EYS: variants seen among roughly 807,000 people sequenced by gnomAD.
The protein encoded by EYS is protein eyes shut homolog.
Under a neutral mutation model 282.1 loss-of-function variants are expected in EYS, and 250 were observed. The ratio of observed to expected loss-of-function variants is 0.89; its 90% CI spans 0.80 to 0.98. The LOEUF is 0.98. Among genes scored for constraint, EYS ranks in the 50% least tolerant of loss-of-function variants. EYS has a pLI of 0.00. For missense variants in EYS, 4,016 were observed against 3,709.0 expected (o/e 1.08, Z -2.15); for synonymous variants, 1,355 against 1,282.9 (o/e 1.06, Z -1.20).
chr6:64,301,306 G>A (rs1769224419), intron 30 of EYS, among the ~76,000 whole-genome samples: 1 of 152,176 alleles, frequency 6.6e-6, no homozygotes, highest in South Asian at 2.1e-4. Flanking sequence ...GGGCAATTGA[G>A]CCCTGGATTC....
chr6:65,673,317 G>T (rs1055870626), intron 1 of EYS, among the ~76,000 whole-genome samples: 1 of 152,048 alleles, frequency 6.6e-6, no homozygotes, highest in African/African-American at 2.4e-5. Context: ...AGATTAAGCC[G>T]AAGGAAGATT....
At position 65,262,357 on chromosome 6, in the gene EYS, A is replaced by G. The variant is rs144774252; in HGVS notation, c.2023+33506T>C. 3.3e-5 allele frequency among the ~76,000 whole-genome samples: 5 copies of G among 152,250 alleles called. No homozygotes were observed. The East Asian group carries it at 7.7e-4, about 24-fold the overall frequency. ...GATTGGAAGACAAAAGACTTAATGT[A>G]TAATTGAATAAGAAATGTATTACTC... is the stretch of plus-strand genomic sequence containing the variant. On this transcript the variant is annotated intron_variant, in intron 12 of 42. Coordinates refer to ENST00000503581, the MANE Select transcript of EYS (RefSeq NM_001142800.2).
intron 28 of EYS, among the ~76,000 whole-genome samples, chr6:64,399,862 A>C (rs1773489658): frequency 6.6e-6 from 1 of 151,876 alleles, no homozygotes; most frequent in Admixed American, 6.6e-5. Flanking sequence ...ATAAAATCTG[A>C]CTTTTTAATC....
At chr6:64,915,281 T>C (rs1235502811) in intron 15 of EYS, among the ~76,000 whole-genome samples, 1 of 152,178 alleles carries the variant, frequency 6.6e-6, no homozygotes, top group African/African-American at 2.4e-5. Flanking sequence ...TACTATCTTG[T>C]GTTAAAATCA....
chr6:65,675,725 T>A (rs1159688886), intron 1 of EYS, among the ~76,000 whole-genome samples: 1 of 151,882 alleles, frequency 6.6e-6, no homozygotes. Context: ...TAAGAGAGCT[T>A]GAACAACACT....
chr6:65,012,810 CAA>C (rs3033918), intron 13 of EYS, among the ~76,000 whole-genome samples: 9,446 of 117,556 alleles, frequency 0.08, 358 homozygotes, highest in East Asian at 0.17. Flanking sequence ...CCAAGTACAG[CAA>C]AAAAAAAAAA....
intron 12 of EYS, among the ~76,000 whole-genome samples, chr6:65,244,085 G>C (rs1490782234): frequency 1.3e-5 from 2 of 152,198 alleles, no homozygotes; most frequent in East Asian, 1.9e-4. Context: ...GCAATGGTTA[G>C]AGTTGAAATA....
chr6:65,579,669 T>C (rs1178386196), intron 2 of EYS, among the ~76,000 whole-genome samples: 1 of 152,092 alleles, frequency 6.6e-6, no homozygotes, highest in Non-Finnish European at 1.5e-5. Flanking sequence ...ATCTGTCTCT[T>C]TCTTTTTATA....
At chr6:65,403,687 T>C (rs931415280) in intron 6 of EYS, among the ~76,000 whole-genome samples, 2 of 151,808 alleles carry the variant, frequency 1.3e-5, no homozygotes, top group African/African-American at 4.8e-5. Context: ...GAATATTAAA[T>C]AATGAGAATA....
rs570352064 is a variant in EYS at position 64,791,483 on chromosome 6, T to C, written c.3443+21895A>G. 3.9e-5 allele frequency among the ~76,000 whole-genome samples: 6 copies of C among 152,036 alleles called. No individual in the cohort carries two copies. In the South Asian group the frequency reaches 8.3e-4, roughly 21 times the overall value. ...TCAAAATATCTAAAAGGCAACTTTA[T>C]GACAGAATAGAAATCTGCTATAAAA... On this transcript the variant is annotated intron_variant, in intron 22 of 42. Transcript: ENST00000503581.
At chr6:64,860,993 G>T (rs1183525810) in intron 19 of EYS, among the ~76,000 whole-genome samples, 2 of 152,174 alleles carry the variant, frequency 1.3e-5, no homozygotes, top group East Asian at 3.9e-4. Context: ...CCCAGAAAAA[G>T]CACCATGAGT....
chr6:65,190,362 A>C (rs1395029260), intron 12 of EYS, among the ~76,000 whole-genome samples: 1 of 149,674 alleles, frequency 6.7e-6, no homozygotes, highest in Non-Finnish European at 1.5e-5. Context: ...AATATTACCT[A>C]GGCTATGTTC....
At chr6:65,018,386 A>G (rs1448516735) in intron 13 of EYS, among the ~76,000 whole-genome samples, 3 of 152,012 alleles carry the variant, frequency 2.0e-5, no homozygotes, top group Non-Finnish European at 4.4e-5. Context: ...CATCACCCTG[A>G]TCTCTACCTT....
intron 31 of EYS, among the ~76,000 whole-genome samples, chr6:64,085,322 G>GCGTGCGCA (rs1227956184): frequency 1.6e-5 from 2 of 121,562 alleles, no homozygotes; most frequent in African/African-American, 4.6e-5. Context: ...AGACGCGCGC[G>GCGTGCGCA]CGTGCGCACG....
At chr6:64,330,942 G>A (rs1770624550) in intron 29 of EYS, among the ~76,000 whole-genome samples, 1 of 152,198 alleles carries the variant, frequency 6.6e-6, no homozygotes, top group East Asian at 1.9e-4. Context: ...AACAGTGGAT[G>A]AGGTTTTCTC....
chr6:63,871,800 A>G (rs879739623), intron 35 of EYS, among the ~76,000 whole-genome samples: 12 of 152,250 alleles, frequency 7.9e-5, no homozygotes, highest in Non-Finnish European at 1.2e-4. Flanking sequence ...TTGTCAGTAG[A>G]GGGCACTTGG....
At chr6:64,769,211 A>G (rs1773450371) in intron 22 of EYS, among the ~76,000 whole-genome samples, 1 of 152,112 alleles carries the variant, frequency 6.6e-6, no homozygotes, top group Non-Finnish European at 1.5e-5. Flanking sequence ...TTAGGTTTAT[A>G]GATGTTCTGC....
At chr6:64,296,763 A>C (rs13217933) in intron 30 of EYS, among the ~76,000 whole-genome samples, 108,661 of 151,168 alleles carry the variant, frequency 0.72, 39,165 homozygotes, top group African/African-American at 0.79. Flanking sequence ...TGTGCAACCA[A>C]GCCAGGCTAA....
chr6:65,314,243 A>G (rs78001714), intron 11 of EYS, among the ~76,000 whole-genome samples: 35,495 of 148,820 alleles, frequency 0.24, 4,623 homozygotes, highest in Middle Eastern at 0.3. Flanking sequence ...CCCCCTCCAC[A>G]ATTGTTAATC....
Sources: gnomAD v4.1 joint callset for allele counts (sites outside exome capture counted in the v4.1 genomes callset) on GRCh38, gnomAD v4.1.1 for gene constraint, MANE v1.5 for transcripts, NCBI Gene and HGNC (gene_info 2026-07-23, HGNC 2026-07-21) for gene names.